Variants in FRMD4B observed in about 807,000 individuals in gnomAD.
The protein encoded by FRMD4B is FERM domain-containing protein 4B.
FRMD4B carries 74 observed loss-of-function variants against 141.5 expected under a neutral mutation model. That is an observed-to-expected ratio of 0.52 (90% CI 0.43 to 0.63). The LOEUF is 0.63. Ranked by LOEUF, FRMD4B falls within the 30% of genes least tolerant of loss-of-function variation. The probability of loss-of-function intolerance (pLI) is 0.00; values close to 1 mark genes in which losing one functional copy is unlikely to be tolerated. For missense variants in FRMD4B, 1,366 were observed against 1,253.4 expected (o/e 1.09, Z -1.36); for synonymous variants, 506 against 467.9 (o/e 1.08, Z -1.05).
At chr3:69,278,681 G>T (rs1327613728) in intron 5 of FRMD4B, among the ~76,000 whole-genome samples, 12 of 151,964 alleles carry the variant, frequency 7.9e-5, no homozygotes, top group African/African-American at 2.9e-4. Context: ...CCACCTCCTG[G>T]GTTCAAGCGA....
chr3:69,382,727 CTT>C (rs5849898), intron 1 of FRMD4B, among the ~76,000 whole-genome samples: 4,395 of 133,068 alleles, frequency 0.033, 129 homozygotes, highest in African/African-American at 0.09. Flanking sequence ...TAAACTGGGA[CTT>C]TTTTTTTTTT....
At chr3:69,294,508 T>A (rs1700978107) in intron 4 of FRMD4B, among the ~76,000 whole-genome samples, 1 of 152,238 alleles carries the variant, frequency 6.6e-6, no homozygotes, top group South Asian at 2.1e-4. Context: ...CACTGTTTGC[T>A]TCTACAATGT....
chr3:69,176,530 G>A lies in FRMD4B; in HGVS notation c.2978C>T (p.Pro993Leu). The A allele has an allele frequency of 6.2e-7, 1 of 1,612,016 alleles. No individual in the cohort carries two copies. The highest frequency in any genetic ancestry group is 8.5e-7 in the Non-Finnish European group (1 of 1,178,208). ...TCGAGCATTGCTTCCTCACCTGCTT[G>A]GAGAGGGTAAAGGATTATAGACATT... Reference protein sequence around the residue: ...YGNVYNPLPSPSRQYTEISQL... With the variant: ...YGNVYNPLPSLSRQYTEISQL... Residue 993 changes from proline to leucine, a missense_variant, in exon 22 of 23, where the codon CCA becomes CTA. Transcript: ENST00000398540.
chr3:69,193,746 G>A lies in FRMD4B; in HGVS notation c.1616C>T (p.Thr539Ile), dbSNP rs2092866871. 2 of 1,613,278 alleles carry A rather than the reference G, an allele frequency of 1.2e-6. No homozygotes were observed. Among genetic ancestry groups the A allele is most frequent in the Admixed American group, 3.3e-5 (2 of 59,998 alleles). Residue 539 changes from threonine to isoleucine, a missense_variant, in exon 17 of 23, where the codon ACA (threonine) becomes ATA (isoleucine). Thr to Ile is a moderately conservative substitution (Grantham distance 89). Coordinates refer to ENST00000398540, the MANE Select transcript of FRMD4B (RefSeq NM_015123.3). ...TVKKKRKQDY[T>I]DAMKKLQEIE... ...CTCCTGAAGCTTTTTCATCGCATCT[G>A]TGTAATCTTGCTTTCGCTTTTTCTT...
intron 4 of FRMD4B, among the ~76,000 whole-genome samples, chr3:69,299,364 A>C (rs1701136488): frequency 6.6e-6 from 1 of 152,198 alleles, no homozygotes; most frequent in African/African-American, 2.4e-5. Flanking sequence ...GATATAATGT[A>C]TCTTATCTCC....
chr3:69,237,719 T>G (rs1354245215), intron 7 of FRMD4B, among the ~76,000 whole-genome samples: 1 of 152,206 alleles, frequency 6.6e-6, no homozygotes, highest in Non-Finnish European at 1.5e-5. Flanking sequence ...AAAGATATTC[T>G]TTGGGCTTTT....
chr3:69,499,940 T>C (rs925106755), intron 1 of FRMD4B, among the ~76,000 whole-genome samples: 11 of 152,252 alleles, frequency 7.2e-5, no homozygotes, highest in African/African-American at 2.4e-4. Context: ...TGGATCTGGC[T>C]TCACGGCTTG....
rs2093232991 is a variant in FRMD4B, at chr3:69,224,659, A to C, written c.613T>G (p.Leu205Val). The change falls in exon 8 of 23, where the codon TTA becomes GTA. Residue 205 changes from leucine (L) to valine (V), a missense_variant. By Grantham distance (32) the Leu-to-Val change is conservative. Coordinates refer to ENST00000398540, the MANE Select transcript of FRMD4B (RefSeq NM_015123.3). ...DENARKDLKT[L>V]PAFPTKTLQE... Reference sequence around the variant, plus strand: ...AGAGTTTTGGTTGGAAAGGCTGGTAATGTCTTTAAATCTTTCCTGGCATTT... The same window carrying C: ...AGAGTTTTGGTTGGAAAGGCTGGTACTGTCTTTAAATCTTTCCTGGCATTT... The C allele has an allele frequency of 6.3e-7, 1 of 1,577,830 alleles. No individual in the cohort carries two copies. The highest frequency in any genetic ancestry group is 1.3e-5 in the African/African-American group (1 of 74,426).
chr3:69,389,910 C>CTTTT (rs35438609), upstream of FRMD4B, among the ~76,000 whole-genome samples: 1 of 148,550 alleles, frequency 6.7e-6, no homozygotes, highest in African/African-American at 2.5e-5. Flanking sequence ...TTCTTTCTTT[C>CTTTT]TTTTTTTTTT....
chr3:69,322,701 G>A (rs1702050420), intron 1 of FRMD4B, among the ~76,000 whole-genome samples: 1 of 150,444 alleles, frequency 6.6e-6, no homozygotes, highest in Non-Finnish European at 1.5e-5. Context: ...GGCTCAAGCA[G>A]TCCTCCCACC....
At chr3:69,505,222 A>C (rs1381915500) in intron 1 of FRMD4B, among the ~76,000 whole-genome samples, 4 of 151,938 alleles carry the variant, frequency 2.6e-5, no homozygotes, top group Non-Finnish European at 4.4e-5. Context: ...ATTAAAAATA[A>C]AAAAAATAAG....
rs755841424 is a variant in FRMD4B at position 69,218,307 on chromosome 3, T to C, written c.789+15A>G. On this transcript the variant is annotated intron_variant, in intron 10 of 22. Coordinates refer to ENST00000398540, the MANE Select transcript of FRMD4B (RefSeq NM_015123.3). ...CTCAATCATCACGAAAGCTTTGTCA[T>C]GTAAAATTACTTACCTTTACTGCAT... 49 of 1,378,650 alleles carry C rather than the reference T, an allele frequency of 3.6e-5. No homozygotes were observed. The highest frequency in any genetic ancestry group is 1.4e-4 in the Admixed American group (8 of 55,652). 85.4% of individuals were successfully genotyped at this position (1,378,650 alleles called of 1,614,324 possible).
intron 1 of FRMD4B, among the ~76,000 whole-genome samples, chr3:69,440,577 G>A (rs1200843579): frequency 6.6e-6 from 1 of 152,218 alleles, no homozygotes; most frequent in Non-Finnish European, 1.5e-5. Context: ...AGCCAAGGCA[G>A]GTGGATCACT....
rs368373866 is a variant in FRMD4B, at chr3:69,196,903, G to A, written c.1089C>T (p.Ser363=). 4.7e-5 allele frequency: 76 copies of A among 1,608,876 alleles called. No individual in the cohort carries two copies. Among genetic ancestry groups the A allele is most frequent in the Non-Finnish European group, 6.0e-5 (71 of 1,175,910 alleles). Reference sequence around the variant, plus strand: ...AGAAATGATGCCAGTTACTTACTTTGCTTTGCTTCCGGTCCAAGTAAAACT... The same window carrying A: ...AGAAATGATGCCAGTTACTTACTTTACTTTGCTTCCGGTCCAAGTAAAACT... The part of the protein sequence containing the change: ...QHQFYLDRKQ[S]KAKIPSARSL... The change falls in exon 13 of 23, where the codon AGC becomes AGT. Residue 363 remains serine, a synonymous_variant. Transcript: ENST00000398540.
intron 1 of FRMD4B, among the ~76,000 whole-genome samples, chr3:69,450,993 C>T (rs1001876136): frequency 3.9e-5 from 6 of 152,136 alleles, no homozygotes; most frequent in Admixed American, 2.0e-4. Context: ...GCTAATATCT[C>T]GAGTTTTAGA....
intron 2 of FRMD4B, among the ~76,000 whole-genome samples, chr3:69,422,390 A>G (rs952079406): frequency 9.9e-5 from 15 of 151,720 alleles, no homozygotes; most frequent in African/African-American, 3.4e-4. Context: ...CTGAAAAAAA[A>G]AAAAAAAGAA....
At chr3:69,262,251 A>G (rs2093532221) in intron 5 of FRMD4B, among the ~76,000 whole-genome samples, 1 of 151,754 alleles carries the variant, frequency 6.6e-6, no homozygotes, top group Non-Finnish European at 1.5e-5. Flanking sequence ...ACAGGCACGA[A>G]CCACCATGCC....
chr3:69,502,721 A>T (rs1706520076), intron 1 of FRMD4B, among the ~76,000 whole-genome samples: 2 of 152,192 alleles, frequency 1.3e-5, no homozygotes, highest in South Asian at 2.1e-4. Flanking sequence ...ACAGCAAAAA[A>T]AAAACTACCA....
At chr3:69,306,402 A>C (rs1034747864) in intron 3 of FRMD4B, 1 of 152,222 alleles carries the variant, frequency 6.6e-6, no homozygotes, top group African/African-American at 2.4e-5. Flanking sequence ...GTTGTGTTGT[A>C]AAGTCTATCT....
Sources: gnomAD v4.1 joint callset for allele counts (sites outside exome capture counted in the v4.1 genomes callset) on GRCh38, gnomAD v4.1.1 for gene constraint, MANE v1.5 for transcripts, NCBI Gene and HGNC (gene_info 2026-07-23, HGNC 2026-07-21) for gene names.